The following ESR1 variants were observed in gnomAD, a reference collection of about 807,000 sequenced individuals.
ESR1 encodes estrogen receptor 1.
Under a neutral mutation model 52.7 loss-of-function variants are expected in ESR1, and 12 were observed. That is an observed-to-expected ratio of 0.23 (90% confidence interval 0.15 to 0.37). The LOEUF (loss-of-function observed/expected upper bound fraction) is 0.37. Among genes scored for constraint, ESR1 ranks in the 10% least tolerant of loss-of-function variants. ESR1 has a pLI of 1.00. For missense variants in ESR1, 584 were observed against 779.7 expected (o/e 0.75, Z 2.99); for synonymous variants, 305 against 316.8 (o/e 0.96, Z 0.39).
intron 1 of ESR1, among the ~76,000 whole-genome samples, chr6:151,830,559 G>C (rs1782238078): frequency 6.6e-6 from 1 of 151,950 alleles, no homozygotes; most frequent in Non-Finnish European, 1.5e-5. Context: ...CTTCTTTCTT[G>C]TATCTTTGGG....
At chr6:151,744,747 G>A (rs1309904767) in intron 2 of ESR1, among the ~76,000 whole-genome samples, 2 of 152,064 alleles carry the variant, frequency 1.3e-5, no homozygotes, top group African/African-American at 4.8e-5. Context: ...TTTTCCTTTG[G>A]TTACTTGTGC....
intron 2 of ESR1, among the ~76,000 whole-genome samples, chr6:151,730,315 C>T (rs1782148093): frequency 6.6e-6 from 1 of 151,958 alleles, no homozygotes; most frequent in Non-Finnish European, 1.5e-5. Context: ...CTCTGCTTGC[C>T]CTTTACTCTT....
At chr6:152,041,358 A>G (rs2045782250) in intron 5 of ESR1, among the ~76,000 whole-genome samples, 1 of 152,186 alleles carries the variant, frequency 6.6e-6, no homozygotes, top group Admixed American at 6.5e-5. Flanking sequence ...CTTTCAGGTC[A>G]CTTGATAAAT....
intron 3 of ESR1, among the ~76,000 whole-genome samples, chr6:151,933,811 G>T (rs1271283706): frequency 6.6e-6 from 1 of 151,962 alleles, no homozygotes; most frequent in Non-Finnish European, 1.5e-5. Context: ...TGTCTTATTG[G>T]CTTTACTTTC....
At chr6:151,910,234 TAATTCAATTTAAATTA>T (rs1798064177) in intron 3 of ESR1, among the ~76,000 whole-genome samples, 1 of 151,986 alleles carries the variant, frequency 6.6e-6, no homozygotes, top group South Asian at 2.1e-4. Flanking sequence ...ACTAAATTTT[TAATTCAATTTAAATTA>T]AATTTAATTT....
At chr6:151,986,780 C>T (rs566614453) in intron 4 of ESR1, among the ~76,000 whole-genome samples, 2 of 152,142 alleles carry the variant, frequency 1.3e-5, no homozygotes, top group Non-Finnish European at 2.9e-5. Context: ...CAACTTCAAG[C>T]AGAATGTCTT....
At chr6:152,091,971 G>A (rs1279907482) in intron 6 of ESR1, among the ~76,000 whole-genome samples, 1 of 152,174 alleles carries the variant, frequency 6.6e-6, no homozygotes, top group African/African-American at 2.4e-5. Context: ...ATATCCAGCC[G>A]GAGGCAGAGG....
chr6:151,814,773 G>C (rs1231430287), intron 1 of ESR1, among the ~76,000 whole-genome samples: 1 of 152,288 alleles, frequency 6.6e-6, no homozygotes, highest in Admixed American at 6.5e-5. Flanking sequence ...ACTATATAAA[G>C]TGTGGTTTTG....
At chr6:151,942,787 C>A (rs1166865544) in intron 3 of ESR1, among the ~76,000 whole-genome samples, 2 of 152,162 alleles carry the variant, frequency 1.3e-5, no homozygotes, top group East Asian at 3.9e-4. Context: ...TTTCTCATGT[C>A]TTTGATATTA....
intron 4 of ESR1, among the ~76,000 whole-genome samples, chr6:151,967,871 C>A (rs1451484964): frequency 6.6e-6 from 1 of 152,162 alleles, no homozygotes; most frequent in Non-Finnish European, 1.5e-5. Flanking sequence ...TTAATGATTG[C>A]CATTCTAACT....
upstream of ESR1, among the ~76,000 whole-genome samples, chr6:151,686,551 G>A (rs563567355): frequency 1.2e-4 from 18 of 152,294 alleles, no homozygotes; most frequent in Middle Eastern, 3.4e-3. Flanking sequence ...AGCCGGGCGT[G>A]GCGGCGGGCA....
intron 1 of ESR1, among the ~76,000 whole-genome samples, chr6:151,699,138 C>T (rs1400668264): frequency 6.6e-6 from 1 of 152,164 alleles, no homozygotes; most frequent in East Asian, 1.9e-4. Context: ...TCACTTCTTT[C>T]TCGACATTTG....
chr6:151,930,815 T>C (rs1163608755), intron 3 of ESR1, among the ~76,000 whole-genome samples: 3 of 152,144 alleles, frequency 2.0e-5, no homozygotes, highest in Non-Finnish European at 4.4e-5. Context: ...AATTCTAAAT[T>C]GGTCACTTTT....
chr6:152,099,915 A>G lies in ESR1; in HGVS notation c.*949A>G. On this transcript the variant is annotated 3_prime_UTR_variant, in exon 8 of 8. Transcript: ENST00000206249. ...GGTGAACTGTTCACTGTGGTGATGC[A>G]TGATGAGGGTAAATGGTAGTTGAAA... is the stretch of plus-strand genomic sequence containing the variant. 1 of 398,610 alleles carries G rather than the reference A, an allele frequency of 2.5e-6. No homozygotes were observed. Among genetic ancestry groups the G allele is most frequent in the Non-Finnish European group, 4.4e-6 (1 of 226,256 alleles). 24.7% of individuals were successfully genotyped at this position (398,610 alleles called of 1,614,324 possible).
intron 3 of ESR1, among the ~76,000 whole-genome samples, chr6:151,899,411 C>T (rs1192093494): frequency 2.9e-5 from 4 of 138,122 alleles, no homozygotes; most frequent in African/African-American, 1.1e-4. Flanking sequence ...TCCTCACTTC[C>T]CAGTAGGGGC....
chr6:151,837,599 T>C (rs1164332591), intron 1 of ESR1, among the ~76,000 whole-genome samples: 2 of 152,196 alleles, frequency 1.3e-5, no homozygotes, highest in Non-Finnish European at 1.5e-5. Flanking sequence ...TGGTGCTTCG[T>C]GGTTGTAATG....
exon 7 of ESR1, chr6:152,125,390 A>C: frequency 6.5e-7 from 1 of 1,535,640 alleles, no homozygotes; most frequent in Non-Finnish European, 8.8e-7. Context: ...GCAGATCATC[A>C]AATCCGTGTG....
intron 3 of ESR1, among the ~76,000 whole-genome samples, chr6:151,929,499 A>G (rs1158690586): frequency 6.6e-6 from 1 of 152,174 alleles, no homozygotes; most frequent in Non-Finnish European, 1.5e-5. Flanking sequence ...CAAATAAAGT[A>G]TTTTGCATGC....
chr6:151,873,834 T>C (rs1338695725), intron 2 of ESR1, among the ~76,000 whole-genome samples: 2 of 152,336 alleles, frequency 1.3e-5, no homozygotes, highest in African/African-American at 2.4e-5. Context: ...TTAAATTATT[T>C]ATAGTTCCTG....
Sources: gnomAD v4.1 joint callset for allele counts (sites outside exome capture counted in the v4.1 genomes callset) on GRCh38, gnomAD v4.1.1 for gene constraint, MANE v1.5 for transcripts, NCBI Gene and HGNC (gene_info 2026-07-23, HGNC 2026-07-21) for gene names.